RPA1: variants seen among roughly 807,000 people sequenced by gnomAD.
RPA1 encodes replication protein A1.
Under a neutral mutation model 83.0 loss-of-function variants are expected in RPA1, and 49 were observed. That is an observed-to-expected ratio of 0.59 (90% CI 0.47 to 0.75). The LOEUF (loss-of-function observed/expected upper bound fraction) is 0.75. Ranked by LOEUF, RPA1 falls within the 30% of genes least tolerant of loss-of-function variation. The pLI is 0.00. For missense variants in RPA1, 693 were observed against 776.1 expected (o/e 0.89, Z 1.27); for synonymous variants, 279 against 281.8 (o/e 0.99, Z 0.10).
At position 1,877,301 on chromosome 17, in the gene RPA1, T is replaced by C. The variant is rs1290146395; in HGVS notation, c.677T>C (p.Leu226Pro). 1 of 1,613,914 alleles carries C rather than the reference T, an allele frequency of 6.2e-7. No individual in the cohort carries two copies. The highest frequency in any genetic ancestry group is 8.5e-7 in the Non-Finnish European group (1 of 1,180,000). The change falls in exon 8 of 17, where the codon CTG becomes CCG. Residue 226 changes from leucine (L) to proline (P), a missense_variant. Transcript: ENST00000254719. Reference sequence around the variant, plus strand: ...GAAGGGAAGCTTTTCTCCCTAGAACTGGTTGACGAAAGTGTGAGTGTTTGT... The same window carrying C: ...GAAGGGAAGCTTTTCTCCCTAGAACCGGTTGACGAAAGTGTGAGTGTTTGT... Reference protein sequence around the residue: ...RGEGKLFSLELVDESGEIRAT... With the variant: ...RGEGKLFSLEPVDESGEIRAT...
intron 8 of RPA1, among the ~76,000 whole-genome samples, chr17:1,878,646 T>C (rs182249048): frequency 1.2e-3 from 188 of 152,346 alleles, no homozygotes; most frequent in Non-Finnish European, 1.8e-3. Context: ...TCTGGGCGTG[T>C]CCCTCAGTAT....
At chr17:1,850,863 G>A (rs1312264908) in intron 4 of RPA1, among the ~76,000 whole-genome samples, 1 of 152,074 alleles carries the variant, frequency 6.6e-6, no homozygotes. Flanking sequence ...CTGCGCTCCA[G>A]CCTGGGTGAC....
At chr17:1,859,034 C>G (rs1912836228) in intron 5 of RPA1, among the ~76,000 whole-genome samples, 1 of 151,802 alleles carries the variant, frequency 6.6e-6, no homozygotes, top group Non-Finnish European at 1.5e-5. Flanking sequence ...TCCCAGGTAG[C>G]TAGGACTACA....
At chr17:1,879,097 G>C (rs769762798) in intron 9 of RPA1, 36 bp downstream of exon 9, 3 of 1,612,810 alleles carry the variant, frequency 1.9e-6, no homozygotes, top group Admixed American at 3.3e-5. Flanking sequence ...GACACCGCCT[G>C]GGGGTGGAGT....
At chr17:1,868,819 T>G (rs766982810) in intron 5 of RPA1, among the ~76,000 whole-genome samples, 4 of 152,242 alleles carry the variant, frequency 2.6e-5, no homozygotes, top group Non-Finnish European at 5.9e-5. Flanking sequence ...AATTCGTGCT[T>G]CATACTATAT....
chr17:1,879,527 A>G (rs534619055), intron 10 of RPA1, 33 bp from the exon 11 acceptor site: 18 of 1,613,912 alleles, frequency 1.1e-5, no homozygotes, highest in Admixed American at 5.0e-5. Flanking sequence ...GGGAGTCTTG[A>G]CCACCTCCTG....
intron 4 of RPA1, among the ~76,000 whole-genome samples, chr17:1,850,110 T>G (rs1912431619): frequency 6.6e-6 from 1 of 150,848 alleles, no homozygotes; most frequent in Admixed American, 6.6e-5. Context: ...AGATGGAGGT[T>G]GCAGTGAGTT....
At chr17:1,859,665 C>G (rs1464970152) in intron 5 of RPA1, among the ~76,000 whole-genome samples, 1 of 152,174 alleles carries the variant, frequency 6.6e-6, no homozygotes, top group Non-Finnish European at 1.5e-5. Flanking sequence ...ACATCTTGCT[C>G]TGTTGCCCAG....
chr17:1,870,599 T>C (rs1956209373), intron 5 of RPA1, among the ~76,000 whole-genome samples: 1 of 152,196 alleles, frequency 6.6e-6, no homozygotes, highest in African/African-American at 2.4e-5. Context: ...AAACCGAAAC[T>C]CTTGAGCCTA....
chr17:1,895,658 A>AGTATGTAT (rs1339016377), intron 16 of RPA1, among the ~76,000 whole-genome samples: 645 of 49,796 alleles, frequency 0.013, 5 homozygotes, highest in African/African-American at 0.028. Context: ...AATACCATAT[A>AGTATGTAT]GTATTTATTT....
chr17:1,866,407 T>TG (rs1913176715), intron 5 of RPA1, among the ~76,000 whole-genome samples: 1 of 152,064 alleles, frequency 6.6e-6, no homozygotes, highest in Non-Finnish European at 1.5e-5. Context: ...CTCTGCCTCT[T>TG]GGGTTCAAGC....
At chr17:1,847,784 G>T (rs1912314801) in intron 4 of RPA1, among the ~76,000 whole-genome samples, 2 of 152,058 alleles carry the variant, frequency 1.3e-5, no homozygotes, top group Admixed American at 1.3e-4. Context: ...ACTTTGAGAG[G>T]CTGAGGCGGG....
At chr17:1,836,006 C>T (rs1911804140) in intron 1 of RPA1, among the ~76,000 whole-genome samples, 1 of 152,158 alleles carries the variant, frequency 6.6e-6, no homozygotes, top group South Asian at 2.1e-4. Flanking sequence ...AATGTAATTA[C>T]TGACCTCCTG....
In RPA1 at chr17:1,891,343, A is replaced by G. The variant is rs17292392; in HGVS notation, c.1552-490A>G. On this transcript the variant is annotated intron_variant, in intron 14 of 16. Coordinates refer to ENST00000254719, the MANE Select transcript of RPA1 (RefSeq NM_002945.5). ...AGAGCCGTCTCATGGAACTCCTCCT[A>G]GGAACTACAGAGTGGGCAATTGAAA... is the stretch of plus-strand genomic sequence containing the variant. Among the ~76,000 whole-genome samples, 12 of 152,282 alleles carry G rather than the reference A, an allele frequency of 7.9e-5. No individual in the cohort carries two copies. In the South Asian group the frequency reaches 2.3e-3, roughly 29 times the overall value.
intron 5 of RPA1, among the ~76,000 whole-genome samples, chr17:1,862,809 C>G (rs976858809): frequency 6.7e-6 from 1 of 150,002 alleles, no homozygotes; most frequent in Non-Finnish European, 1.5e-5. Flanking sequence ...GCAACCTCCC[C>G]CGGGTTCAAG....
intron 5 of RPA1, among the ~76,000 whole-genome samples, chr17:1,856,232 G>A (rs993761604): frequency 3.3e-5 from 5 of 151,988 alleles, no homozygotes; most frequent in African/African-American, 1.2e-4. Flanking sequence ...GAGCCCGGGA[G>A]GTGGAGGTTG....
At position 1,897,554 on chromosome 17, in the gene RPA1, C is replaced by G. The variant is rs913221397; in HGVS notation, c.*379C>G. The G allele has an allele frequency of 1.4e-4, 23 of 167,030 alleles. No individual in the cohort carries two copies. The East Asian group carries it at 1.9e-3, about 14-fold the overall frequency. 10.3% of individuals were successfully genotyped at this position (167,030 alleles called of 1,614,324 possible). A position where few individuals can be genotyped will look rare whatever the true frequency, so the allele number is the denominator to read the frequency against. On this transcript the variant is annotated 3_prime_UTR_variant, in exon 17 of 17. Transcript: ENST00000254719. ...TTTTGCTTCTCCAGTGGTGACCACCCCCCCCCATCCCCGCTCACAACTTGG... is the reference window on the plus strand; with the variant it reads ...TTTTGCTTCTCCAGTGGTGACCACCGCCCCCCATCCCCGCTCACAACTTGG...
At chr17:1,894,737 T>C (rs948329312) in intron 15 of RPA1, among the ~76,000 whole-genome samples, 8 of 152,224 alleles carry the variant, frequency 5.3e-5, no homozygotes, top group Non-Finnish European at 1.0e-4. Flanking sequence ...TTTGAAACTC[T>C]GCACATTAAG....
intron 1 of RPA1, among the ~76,000 whole-genome samples, chr17:1,842,159 C>G (rs576647413): frequency 3.4e-4 from 52 of 151,726 alleles, no homozygotes; most frequent in African/African-American, 1.2e-3. Context: ...ATGGGGTGGT[C>G]TTTGTTTTTT....
Sources: gnomAD v4.1 joint callset for allele counts (sites outside exome capture counted in the v4.1 genomes callset) on GRCh38, gnomAD v4.1.1 for gene constraint, MANE v1.5 for transcripts, NCBI Gene and HGNC (gene_info 2026-07-23, HGNC 2026-07-21) for gene names.